Variants in CERKL observed in about 807,000 individuals in gnomAD.
CERKL encodes the protein ceramide kinase-like protein.
Under a neutral mutation model 63.4 loss-of-function variants are expected in CERKL, and 61 were observed. The ratio of observed to expected loss-of-function variants is 0.96; its 90% confidence interval spans 0.78 to 1.19. The LOEUF is 1.19. CERKL is among the 50% of genes most tolerant of loss of function. CERKL has a pLI of 0.00. For missense variants in CERKL, 675 were observed against 655.5 expected (o/e 1.03, Z -0.33); for synonymous variants, 250 against 230.5 (o/e 1.08, Z -0.77).
rs1559065519 is a variant in CERKL at position 181,538,063 on chromosome 2, G to GAAAAATTGTATCCACA, written c.*120_*121insTGTGGATACAATTTTT. Reference sequence around the variant, plus strand: ...ATCCTGAAACCATTCCCCCATCCACGGAAAAATTGTCTTCCATGAAACTGG... The same window carrying GAAAAATTGTATCCACA: ...ATCCTGAAACCATTCCCCCATCCACGAAAAATTGTATCCACAGAAAAATTGTCTTCCATGAAACTGG... On this transcript the variant is annotated 3_prime_UTR_variant, in exon 13 of 13. Transcript: ENST00000410087. 1 of 716,512 alleles carries GAAAAATTGTATCCACA rather than the reference G, an allele frequency of 1.4e-6. No homozygotes were observed. The highest frequency in any genetic ancestry group is 2.7e-5 in the East Asian group (1 of 37,064). 44.4% of individuals were successfully genotyped at this position (716,512 alleles called of 1,614,324 possible). A position where few individuals can be genotyped will look rare whatever the true frequency, so the allele number is the denominator to read the frequency against.
chr2:181,645,416 C>T (rs1025604538), intron 1 of CERKL, among the ~76,000 whole-genome samples: 1 of 152,236 alleles, frequency 6.6e-6, no homozygotes, highest in African/African-American at 2.4e-5. Context: ...AATATCTTCC[C>T]TCTCCTCCAT....
At chr2:181,611,227 AAAT>A (rs557039479) in intron 1 of CERKL, among the ~76,000 whole-genome samples, 6 of 151,648 alleles carry the variant, frequency 4.0e-5, no homozygotes, top group African/African-American at 1.5e-4. Context: ...CATCTCAAAA[AAAT>A]AATAATAATA....
At chr2:181,548,097 T>A (rs1559071536) in intron 8 of CERKL, 1 of 587,956 alleles carries the variant, frequency 1.7e-6, no homozygotes, top group Non-Finnish European at 3.0e-6. Context: ...ACTATAACCC[T>A]TCTTTAATAT....
chr2:181,560,877 T>A (rs955761520), intron 4 of CERKL, among the ~76,000 whole-genome samples: 2 of 152,206 alleles, frequency 1.3e-5, no homozygotes, highest in African/African-American at 2.4e-5. Flanking sequence ...TATTTATTTA[T>A]GTTAACAACT....
chr2:181,591,556 C>A (rs2105876527), intron 2 of CERKL, among the ~76,000 whole-genome samples: 1 of 152,232 alleles, frequency 6.6e-6, no homozygotes, highest in South Asian at 2.1e-4. Flanking sequence ...ATCTTGAACT[C>A]ATTTCAGCAA....
At position 181,539,266 on chromosome 2, in the gene CERKL, T is replaced by C. The variant is rs1378520293; in HGVS notation, c.1366-2A>G. 6.4e-7 allele frequency: 1 copy of C among 1,550,806 alleles called. No individual in the cohort carries two copies. Among genetic ancestry groups the C allele is most frequent in the Admixed American group, 1.7e-5 (1 of 59,892 alleles). Reference sequence around the variant, plus strand: ...AGTCTCAACAAATGGAAAATTGAACTAAAAATAAATACAAATAATCATTAT... The same window carrying C: ...AGTCTCAACAAATGGAAAATTGAACCAAAAATAAATACAAATAATCATTAT... On this transcript the variant is annotated splice_acceptor_variant, in intron 11 of 12. Transcript: ENST00000410087. LOFTEE classifies it high-confidence loss of function.
chr2:181,537,384 C>T lies in CERKL; in HGVS notation c.*800G>A, dbSNP rs1409819835. 2.2e-6 allele frequency: 1 copy of T among 453,078 alleles called. No homozygotes were observed. The highest frequency in any genetic ancestry group is 4.4e-6 in the Non-Finnish European group (1 of 226,284). 28.1% of individuals were successfully genotyped at this position (453,078 alleles called of 1,614,324 possible). On this transcript the variant is annotated 3_prime_UTR_variant, in exon 13 of 13. Transcript: ENST00000410087. ...AAGGGGAACACAATTACATATTGGG[C>T]TAGATTTTGCCCAGTTCAAAATAGT... is the stretch of plus-strand genomic sequence containing the variant.
At chr2:181,552,442 CA>C (rs1688026306) in intron 5 of CERKL, among the ~76,000 whole-genome samples, 1 of 152,152 alleles carries the variant, frequency 6.6e-6, no homozygotes, top group South Asian at 2.1e-4. Context: ...CTTCACTCAG[CA>C]TTTCTCCTTC....
intron 1 of CERKL, among the ~76,000 whole-genome samples, chr2:181,614,800 T>C (rs1686122472): frequency 6.6e-6 from 1 of 152,196 alleles, no homozygotes; most frequent in Non-Finnish European, 1.5e-5. Context: ...ATTTTAAATA[T>C]AACTTTAATT....
At chr2:181,628,016 G>A (rs1158779737) in intron 1 of CERKL, among the ~76,000 whole-genome samples, 1 of 152,056 alleles carries the variant, frequency 6.6e-6, no homozygotes, top group Non-Finnish European at 1.5e-5. Context: ...TAAGATACAC[G>A]ACAGGAATCA....
chr2:181,558,744 T>G lies in CERKL; in HGVS notation c.678-36A>C, dbSNP rs549548530. ...ACAAATCAAGCAAAGAAGGCAAAAC[T>G]TCAGAATGATTGGTAATAAGTCATG... On this transcript the variant is annotated intron_variant, in intron 4 of 12. Transcript: ENST00000410087. This position sits in a 1 kb window ranked among gnomAD's most constrained non-coding sequence, Gnocchi z 4.2. 1 of 1,607,712 alleles carries G rather than the reference T, an allele frequency of 6.2e-7. No individual in the cohort carries two copies. The highest frequency in any genetic ancestry group is 1.1e-5 in the South Asian group (1 of 90,948).
chr2:181,611,799 T>A (rs961389859), intron 1 of CERKL, among the ~76,000 whole-genome samples: 7 of 152,252 alleles, frequency 4.6e-5, no homozygotes, highest in African/African-American at 9.6e-5. Context: ...TTCATATGCA[T>A]GTAAGCATGA....
rs2105786511 is a variant in CERKL at position 181,539,013 on chromosome 2, T to TTCTC, written c.1538+78_1538+79insGAGA. 4 of 1,081,346 alleles carry TTCTC rather than the reference T, an allele frequency of 3.7e-6. No individual in the cohort carries two copies. In the South Asian group the frequency reaches 5.0e-5, roughly 14 times the overall value. 67.0% of individuals were successfully genotyped at this position (1,081,346 alleles called of 1,614,324 possible). On this transcript the variant is annotated intron_variant, in intron 12 of 12. Coordinates refer to ENST00000410087, the MANE Select transcript of CERKL (RefSeq NM_201548.5). Reference sequence around the variant, plus strand: ...ACTAACCAACTGCCTGCTTTGATAGTTCAGAGAAGAGAGCTTTCGTTGTAA... The same window carrying TTCTC: ...ACTAACCAACTGCCTGCTTTGATAGTTCTCTCAGAGAAGAGAGCTTTCGTTGTAA...
chr2:181,649,036 C>G (rs574742785), intron 1 of CERKL, among the ~76,000 whole-genome samples: 1 of 152,014 alleles, frequency 6.6e-6, no homozygotes, highest in African/African-American at 2.4e-5. Flanking sequence ...AACCAGAAAA[C>G]AAGTAACAAA....
rs747951497 is a variant in CERKL, at chr2:181,536,869, A to AACATCTGT, written c.*1307_*1314dup. The AACATCTGT allele has an allele frequency of 4.4e-5, 19 of 433,504 alleles. No homozygotes were observed. The highest frequency in any genetic ancestry group is 3.2e-4 in the South Asian group (19 of 59,532). 26.9% of individuals were successfully genotyped at this position (433,504 alleles called of 1,614,324 possible). A position where few individuals can be genotyped will look rare whatever the true frequency, so the allele number is the denominator to read the frequency against. On this transcript the variant is annotated 3_prime_UTR_variant, in exon 13 of 13. Coordinates refer to ENST00000410087, the MANE Select transcript of CERKL (RefSeq NM_201548.5). ...ATAAGAGAGCTGTGGCCGAATTTTGAACATCTGTTATAGGGAGTGATCAAA... is the reference window on the plus strand; with the variant it reads ...ATAAGAGAGCTGTGGCCGAATTTTGAACATCTGTACATCTGTTATAGGGAGTGATCAAA...
At chr2:181,541,967 A>G (rs16867443) in intron 11 of CERKL, among the ~76,000 whole-genome samples, 14,704 of 152,234 alleles carry the variant, frequency 0.097, 982 homozygotes, top group East Asian at 0.22. Context: ...CCTGCAGATA[A>G]GACGAGATGA....
Position 181,580,046 on chromosome 2 carries a change from TG to T in CERKL, c.482-6163del, listed in dbSNP as rs1355267191. Among the ~76,000 whole-genome samples, 3 of 151,982 alleles carry T rather than the reference TG, an allele frequency of 2.0e-5. 1 individual carries two copies. Among genetic ancestry groups the T allele is most frequent in the African/African-American group, 7.3e-5 (3 of 41,272 alleles). ...TTAAAGAATTTTTCACATCTATTTT[TG>T]CTTATTTTTACATATGATCTTTGAA... On this transcript the variant is annotated intron_variant, in intron 2 of 12. Transcript: ENST00000410087.
chr2:181,642,655 C>T (rs1388575231), intron 1 of CERKL, among the ~76,000 whole-genome samples: 1 of 151,974 alleles, frequency 6.6e-6, no homozygotes, highest in Non-Finnish European at 1.5e-5. Context: ...AAAAACATAA[C>T]ATGAAATTTG....
chr2:181,614,005 A>G (rs975716475), intron 1 of CERKL, among the ~76,000 whole-genome samples: 7 of 152,242 alleles, frequency 4.6e-5, no homozygotes, highest in African/African-American at 1.7e-4. Context: ...GTTTTTATTT[A>G]AAGTCTTGAG....
Sources: gnomAD v4.1 joint callset for allele counts (sites outside exome capture counted in the v4.1 genomes callset) on GRCh38, gnomAD v4.1.1 for gene constraint, Gnocchi (gnomAD v3.1) non-coding constraint, MANE v1.5 for transcripts, NCBI Gene and HGNC (gene_info 2026-07-23, HGNC 2026-07-21) for gene names.